KIF26B: variants seen among roughly 807,000 people sequenced by gnomAD.
The protein encoded by KIF26B is kinesin family member 26B, also known as kinesin-like protein KIF26B.
In KIF26B, 63 loss-of-function variants were observed where a neutral mutation model predicts 151.2. That is an observed-to-expected ratio of 0.42 (90% confidence interval 0.34 to 0.51). The LOEUF (loss-of-function observed/expected upper bound fraction) is 0.51, where lower values mean the gene tolerates loss of function less well. Among genes scored for constraint, KIF26B ranks in the 20% least tolerant of loss-of-function variants. The pLI is 0.07. For missense variants in KIF26B, 2,813 were observed against 2,913.6 expected (o/e 0.97, Z 0.79); for synonymous variants, 1,357 against 1,262.1 (o/e 1.08, Z -1.59).
chr1:245,299,427 CCTT>C (rs1558380201), intron 2 of KIF26B, among the ~76,000 whole-genome samples: 1 of 150,382 alleles, frequency 6.6e-6, no homozygotes, highest in African/African-American at 2.5e-5. Context: ...ACCCAGCTGA[CCTT>C]CTACTATCAG....
chr1:245,266,989 C>T (rs1021472008), intron 2 of KIF26B, among the ~76,000 whole-genome samples: 1 of 152,196 alleles, frequency 6.6e-6, no homozygotes, highest in African/African-American at 2.4e-5. Flanking sequence ...TGGTCTTATC[C>T]TTATCCTTTT....
At chr1:245,496,998 A>G (rs1660525619) in intron 4 of KIF26B, among the ~76,000 whole-genome samples, 3 of 152,054 alleles carry the variant, frequency 2.0e-5, no homozygotes, top group Non-Finnish European at 4.4e-5. Flanking sequence ...TACTAAAAAT[A>G]CAAAATTAGC....
chr1:245,400,916 A>T (rs1031631256), intron 3 of KIF26B, among the ~76,000 whole-genome samples: 2 of 152,184 alleles, frequency 1.3e-5, no homozygotes, highest in Admixed American at 1.3e-4. Flanking sequence ...AAGACCAAAA[A>T]AAACCCAACT....
In KIF26B at chr1:245,566,616, C is replaced by T. The variant is rs1004028564; in HGVS notation, c.1350+25666C>T. ...CTTCCTCCAAACAAAAGCTTTCAAG[C>T]GCAACATGTTGATTTTTAAAATTCC... On this transcript the variant is annotated intron_variant, in intron 5 of 14. Transcript: ENST00000407071. 9.2e-5 allele frequency among the ~76,000 whole-genome samples: 14 copies of T among 152,310 alleles called. 1 individual carries two copies. Among genetic ancestry groups the T allele is most frequent in the African/African-American group, 2.2e-4 (9 of 41,560 alleles).
intron 3 of KIF26B, among the ~76,000 whole-genome samples, chr1:245,411,113 G>A (rs1056798948): frequency 4.6e-5 from 7 of 152,194 alleles, no homozygotes; most frequent in African/African-American, 2.4e-5. Context: ...CTACTGAGAC[G>A]TCTAAACCAA....
chr1:245,265,614 G>T (rs1265199542), intron 2 of KIF26B, among the ~76,000 whole-genome samples: 1 of 149,738 alleles, frequency 6.7e-6, no homozygotes, highest in Non-Finnish European at 1.5e-5. Context: ...TAAAGACAGG[G>T]TCTCACTCTG....
chr1:245,418,038 C>T (rs1237621912), intron 3 of KIF26B, among the ~76,000 whole-genome samples: 6 of 152,134 alleles, frequency 3.9e-5, no homozygotes, highest in East Asian at 1.9e-4. Context: ...GGACATGGTC[C>T]GGGAGGCATG....
At chr1:245,259,272 G>A (rs2103569083) in intron 2 of KIF26B, among the ~76,000 whole-genome samples, 1 of 152,272 alleles carries the variant, frequency 6.6e-6, no homozygotes, top group South Asian at 2.1e-4. Flanking sequence ...TGCCTAGGTG[G>A]TGCGGACTGA....
At chr1:245,630,548 CAAG>C (rs914354605) in intron 9 of KIF26B, among the ~76,000 whole-genome samples, 2 of 152,002 alleles carry the variant, frequency 1.3e-5, no homozygotes, top group Admixed American at 6.6e-5. Flanking sequence ...CACATGGACA[CAAG>C]GAGGGGAACA....
intron 3 of KIF26B, among the ~76,000 whole-genome samples, chr1:245,404,751 C>G (rs1674093275): frequency 1.3e-5 from 2 of 152,196 alleles, no homozygotes; most frequent in Admixed American, 1.3e-4. Context: ...GTACAATTCT[C>G]TGGTGTCAAC....
At chr1:245,370,931 G>A (rs1464688476) in intron 3 of KIF26B, among the ~76,000 whole-genome samples, 1 of 152,184 alleles carries the variant, frequency 6.6e-6, no homozygotes, top group East Asian at 1.9e-4. Context: ...CCTGGTTCCT[G>A]TCCTGAGGTC....
chr1:245,522,058 AC>A (rs1275736678), intron 4 of KIF26B, among the ~76,000 whole-genome samples: 3 of 151,838 alleles, frequency 2.0e-5, no homozygotes, highest in Non-Finnish European at 4.4e-5. Flanking sequence ...TTTAGTAGAG[AC>A]GGGGTTTCAC....
At chr1:245,605,153 A>G (rs142907160) in intron 6 of KIF26B, among the ~76,000 whole-genome samples, 1,563 of 150,772 alleles carry the variant, frequency 0.01, 17 homozygotes, top group Non-Finnish European at 0.014. Flanking sequence ...GGACATGACC[A>G]CAATGTTCCT....
At chr1:245,633,299 A>G (rs2043801164) in intron 9 of KIF26B, among the ~76,000 whole-genome samples, 1 of 150,604 alleles carries the variant, frequency 6.6e-6, no homozygotes, top group South Asian at 2.1e-4. Context: ...TTTTTTAAAT[A>G]AATCCATTCA....
Position 245,540,966 on chromosome 1 carries a change from G to T in KIF26B, c.1350+16G>T, listed in dbSNP as rs766271700. The T allele has an allele frequency of 9.4e-6, 15 of 1,593,834 alleles. No individual in the cohort carries two copies. The highest frequency in any genetic ancestry group is 3.6e-4 in the Middle Eastern group (2 of 5,608). ...GCTGGGCAAGGTAGGACCATCCGCC[G>T]TCCCTGCCATTTGCCCAGTGTGCGA... On this transcript the variant is annotated intron_variant, in intron 5 of 14. Coordinates refer to ENST00000407071, the MANE Select transcript of KIF26B (RefSeq NM_018012.4). The surrounding 1 kb of genome is among the most constrained non-coding windows in gnomAD (Gnocchi z 4.6).
At chr1:245,649,087 C>T (rs797008650) in intron 10 of KIF26B, among the ~76,000 whole-genome samples, 35 of 152,368 alleles carry the variant, frequency 2.3e-4, no homozygotes, top group African/African-American at 8.2e-4. Flanking sequence ...TGCGTTTGTT[C>T]TGTCACCCCT....
chr1:245,349,215 C>T (rs999514545), intron 2 of KIF26B, among the ~76,000 whole-genome samples: 5 of 152,168 alleles, frequency 3.3e-5, no homozygotes, highest in Admixed American at 3.3e-4. Flanking sequence ...ACTCCATGTG[C>T]TTGGTCTTTT....
rs71636544 is a variant in KIF26B, at chr1:245,364,405, T to C, written c.466-2429T>C. Among the ~76,000 whole-genome samples, 798 of 148,580 alleles carry C rather than the reference T, an allele frequency of 5.4e-3. 1 individual carries two copies. The highest frequency in any genetic ancestry group is 9.2e-3 in the Non-Finnish European group (619 of 67,144). On this transcript the variant is annotated intron_variant, in intron 2 of 14. Coordinates refer to ENST00000407071, the MANE Select transcript of KIF26B (RefSeq NM_018012.4). Reference sequence around the variant, plus strand: ...AACTGTGATGTGCAGACATGACTTCTCACCCTCTCTCTCTCTCTTTTTTTT... The same window carrying C: ...AACTGTGATGTGCAGACATGACTTCCCACCCTCTCTCTCTCTCTTTTTTTT...
chr1:245,366,652 A>G (rs982258507), intron 2 of KIF26B, among the ~76,000 whole-genome samples, 182 bp from the exon 3 acceptor site: 1 of 151,984 alleles, frequency 6.6e-6, no homozygotes, highest in African/African-American at 2.4e-5. Context: ...ACATTTGTCT[A>G]ATGTGTTTAT....
Sources: gnomAD v4.1 joint callset for allele counts (sites outside exome capture counted in the v4.1 genomes callset) on GRCh38, gnomAD v4.1.1 for gene constraint, Gnocchi (gnomAD v3.1) non-coding constraint, MANE v1.5 for transcripts, NCBI Gene and HGNC (gene_info 2026-07-23, HGNC 2026-07-21) for gene names.